The following DAB1 variants were observed in gnomAD, a reference collection of about 807,000 sequenced individuals.
DAB1 encodes the protein DAB adaptor protein 1.
In DAB1, 15 loss-of-function variants were observed where a neutral mutation model predicts 64.6. The observed-to-expected ratio is 0.23, with a 90% CI of 0.16 to 0.36. DAB1 has a LOEUF of 0.36. Ranked by LOEUF, DAB1 falls within the 10% of genes least tolerant of loss-of-function variation. The probability of loss-of-function intolerance (pLI) is 1.00; values close to 1 mark genes in which losing one functional copy is unlikely to be tolerated. For missense variants in DAB1, 596 were observed against 706.7 expected, an observed-to-expected ratio of 0.84 and a Z score of 1.78; for synonymous variants, 235 against 251.9, an observed-to-expected ratio of 0.93 and a Z score of 0.64.
chr1:58,427,512 T>C (rs1423750268), intron 3 of DAB1, among the ~76,000 whole-genome samples: 2 of 152,068 alleles, frequency 1.3e-5, no homozygotes, highest in Non-Finnish European at 2.9e-5. Context: ...GAAAGCTTAG[T>C]TCAGGGTGGC....
intron 7 of DAB1, among the ~76,000 whole-genome samples, chr1:57,493,311 C>G (rs1644187862): frequency 6.6e-6 from 1 of 152,142 alleles, no homozygotes; most frequent in Non-Finnish European, 1.5e-5. Flanking sequence ...CCCCCAGCCC[C>G]TGGTACCAAC....
chr1:58,113,772 T>A (rs780284598), intron 5 of DAB1, among the ~76,000 whole-genome samples: 1 of 152,156 alleles, frequency 6.6e-6, no homozygotes, highest in Non-Finnish European at 1.5e-5. Flanking sequence ...ACGGGGAGCA[T>A]CTGCAGAGAG....
intron 2 of DAB1, among the ~76,000 whole-genome samples, chr1:58,512,320 G>A (rs887212776): frequency 5.3e-5 from 8 of 152,054 alleles, no homozygotes; most frequent in South Asian, 2.1e-4. Flanking sequence ...AAATGGTGTG[G>A]ACTTTATGAA....
intron 9 of DAB1, among the ~76,000 whole-genome samples, chr1:57,053,978 C>T (rs971173477): frequency 2.6e-5 from 4 of 151,956 alleles, no homozygotes; most frequent in Non-Finnish European, 4.4e-5. Context: ...TGAGCCACCG[C>T]GCCCGGCCTA....
At chr1:57,349,961 C>T (rs1364444) in intron 1 of DAB1, among the ~76,000 whole-genome samples, 75,889 of 152,034 alleles carry the variant, frequency 0.5, 19,660 homozygotes, top group African/African-American at 0.55. Flanking sequence ...AAATGAGAAG[C>T]ACAAACTACT....
At chr1:57,696,655 T>C (rs1038334406) in intron 6 of DAB1, among the ~76,000 whole-genome samples, 3 of 152,128 alleles carry the variant, frequency 2.0e-5, no homozygotes, top group Admixed American at 1.3e-4. Flanking sequence ...TTTGTCTAAT[T>C]GAACTGCATA....
At chr1:57,234,647 T>C (rs999238727) in intron 2 of DAB1, among the ~76,000 whole-genome samples, 1 of 152,188 alleles carries the variant, frequency 6.6e-6, no homozygotes, top group African/African-American at 2.4e-5. Context: ...GCTCTGTAGG[T>C]CAAAAGTCCA....
chr1:58,439,000 G>A (rs989290726), intron 3 of DAB1, among the ~76,000 whole-genome samples: 13 of 152,070 alleles, frequency 8.5e-5, no homozygotes, highest in Admixed American at 6.5e-5. Flanking sequence ...GTGGGACTGC[G>A]AGGGGGTGGG....
intron 2 of DAB1, among the ~76,000 whole-genome samples, chr1:57,245,983 T>C (rs113272628): frequency 1.9e-3 from 291 of 152,310 alleles, no homozygotes; most frequent in African/African-American, 6.3e-3. Flanking sequence ...AAGAAAGAGA[T>C]GGTCTGAAAT....
At chr1:57,436,753 G>T (rs978258937) in intron 7 of DAB1, among the ~76,000 whole-genome samples, 1 of 152,108 alleles carries the variant, frequency 6.6e-6, no homozygotes, top group Admixed American at 6.5e-5. Flanking sequence ...CATAGGCTGG[G>T]TGCGGTGGCT....
chr1:57,804,774 T>G (rs2101876941), intron 6 of DAB1, among the ~76,000 whole-genome samples: 1 of 152,350 alleles, frequency 6.6e-6, no homozygotes, highest in Middle Eastern at 3.4e-3. Flanking sequence ...AAATATCCAG[T>G]GTACTGGTAG....
At chr1:58,265,505 C>A (rs1661138620) in intron 4 of DAB1, among the ~76,000 whole-genome samples, 1 of 152,204 alleles carries the variant, frequency 6.6e-6, no homozygotes, top group African/African-American at 2.4e-5. Context: ...GTAGTCTCAT[C>A]CATAAGTAGA....
chr1:57,107,186 C>T (rs961713525), intron 4 of DAB1, among the ~76,000 whole-genome samples: 1 of 151,956 alleles, frequency 6.6e-6, no homozygotes, highest in African/African-American at 2.4e-5. Context: ...ACCAGCCTGA[C>T]CAACATGGTG....
chr1:58,266,819 C>T (rs1042214662), intron 4 of DAB1, among the ~76,000 whole-genome samples: 1 of 152,086 alleles, frequency 6.6e-6, no homozygotes, highest in Non-Finnish European at 1.5e-5. Context: ...GAATAGGTAT[C>T]GTCCAAAGAA....
chr1:57,915,932 G>T lies in DAB1; in HGVS notation n.388-31770C>A, dbSNP rs141656769. 8.3e-3 allele frequency among the ~76,000 whole-genome samples: 1,268 copies of T among 152,268 alleles called. 10 individuals carry two copies. The highest frequency in any genetic ancestry group is 0.012 in the Non-Finnish European group (811 of 68,026). On this transcript the variant is annotated intron_variant and non_coding_transcript_variant, in intron 5 of 20. Coordinates refer to the DAB1 transcript ENST00000485760. ...TCTGTTAGGTCATCTCCAAGGAGAA[G>T]AATTTTAGGTGAGCGCTTCAATGTC...
At chr1:58,512,115 A>G (rs1194370629) in intron 2 of DAB1, among the ~76,000 whole-genome samples, 1 of 152,232 alleles carries the variant, frequency 6.6e-6, no homozygotes, top group Non-Finnish European at 1.5e-5. Context: ...TCTTCAAAAA[A>G]GACATTCAAA....
intron 7 of DAB1, among the ~76,000 whole-genome samples, chr1:57,549,199 T>A (rs1411405376): frequency 2.0e-5 from 3 of 152,142 alleles, no homozygotes; most frequent in African/African-American, 7.2e-5. Context: ...ATAGCAGTGA[T>A]CACCAACTCT....
At chr1:57,107,261 G>T (rs1655249937) in intron 4 of DAB1, among the ~76,000 whole-genome samples, 1 of 151,874 alleles carries the variant, frequency 6.6e-6, no homozygotes, top group African/African-American at 2.4e-5. Context: ...TGTAATCCCA[G>T]CTACTTGGGA....
chr1:58,023,848 T>A (rs778276041), intron 5 of DAB1, among the ~76,000 whole-genome samples: 1 of 152,204 alleles, frequency 6.6e-6, no homozygotes, highest in Non-Finnish European at 1.5e-5. Flanking sequence ...AAAAGAAATC[T>A]AGATGGATCC....
Sources: gnomAD v4.1 joint callset for allele counts (sites outside exome capture counted in the v4.1 genomes callset) on GRCh38, gnomAD v4.1.1 for gene constraint, MANE v1.5 for transcripts, NCBI Gene and HGNC (gene_info 2026-07-23, HGNC 2026-07-21) for gene names.